Variants in CSMD1 observed in about 807,000 individuals in gnomAD.
CSMD1 encodes the protein CUB and Sushi multiple domains 1, also known as CUB and sushi domain-containing protein 1.
CSMD1 carries 213 observed loss-of-function variants against 417.5 expected under a neutral mutation model. The ratio of observed to expected loss-of-function variants is 0.51; its 90% CI spans 0.46 to 0.57. The LOEUF is 0.57. Ranked by LOEUF, CSMD1 falls within the 20% of genes least tolerant of loss-of-function variation. The pLI is 0.00. For missense variants in CSMD1, 6,923 were observed against 4,529.7 expected, an observed-to-expected ratio of 1.53 and a Z score of -15.17; for synonymous variants, 2,862 against 1,736.8, an observed-to-expected ratio of 1.65 and a Z score of -16.11.
chr8:4,005,128 G>C (rs924325669), intron 4 of CSMD1, among the ~76,000 whole-genome samples: 1 of 152,132 alleles, frequency 6.6e-6, no homozygotes, highest in South Asian at 2.1e-4. Context: ...GGACTTTGGA[G>C]ATTTGGGGGG....
At chr8:4,921,954 C>T (rs893652268) in intron 1 of CSMD1, among the ~76,000 whole-genome samples, 12 of 152,190 alleles carry the variant, frequency 7.9e-5, no homozygotes, top group African/African-American at 2.2e-4. Context: ...GTTTGGAATA[C>T]TTGCCCTCTT....
intron 41 of CSMD1, among the ~76,000 whole-genome samples, chr8:3,135,989 C>A (rs1488484607): frequency 6.6e-6 from 1 of 152,116 alleles, no homozygotes; most frequent in Non-Finnish European, 1.5e-5. Context: ...CATGCCCCAG[C>A]CCACACAGCT....
chr8:3,193,409 G>A lies in CSMD1; in HGVS notation c.5195-3294C>T, dbSNP rs548398089. 4.6e-5 allele frequency among the ~76,000 whole-genome samples: 7 copies of A among 152,246 alleles called. No homozygotes were observed. The South Asian group carries it at 1.5e-3, about 32-fold the overall frequency. ...GTAAGGACTTGAGACAGTAGGATAG[G>A]GAGGCAGGGAGAAGCTGTGGAATTG... On this transcript the variant is annotated intron_variant, in intron 33 of 69. Coordinates refer to ENST00000635120, the MANE Select transcript of CSMD1 (RefSeq NM_033225.6).
intron 3 of CSMD1, among the ~76,000 whole-genome samples, chr8:4,308,880 A>G (rs995899650): frequency 2.0e-5 from 3 of 152,196 alleles, no homozygotes; most frequent in Admixed American, 2.0e-4. Flanking sequence ...TTATAGCTAT[A>G]AACACATGGT....
chr8:3,284,023 A>T (rs548200900), intron 26 of CSMD1, 121 bp downstream of exon 26: 2 of 887,426 alleles, frequency 2.3e-6, no homozygotes, highest in African/African-American at 3.3e-5. Flanking sequence ...CCTAACTTCA[A>T]ATTAGGCTCA....
At chr8:3,557,213 G>C (rs1799195105) in intron 10 of CSMD1, among the ~76,000 whole-genome samples, 1 of 152,286 alleles carries the variant, frequency 6.6e-6, no homozygotes, top group Admixed American at 6.5e-5. Context: ...ATATGTATTA[G>C]TACAACATAT....
intron 7 of CSMD1, among the ~76,000 whole-genome samples, chr8:3,707,162 G>A (rs572299816): frequency 6.6e-5 from 10 of 152,234 alleles, no homozygotes; most frequent in African/African-American, 2.4e-4. Flanking sequence ...GCAATTGTCA[G>A]GAAATCCTAA....
chr8:4,141,755 A>T (rs1433103855), intron 3 of CSMD1, among the ~76,000 whole-genome samples: 1 of 151,068 alleles, frequency 6.6e-6, no homozygotes, highest in East Asian at 1.9e-4. Context: ...GATTCATCCC[A>T]TGCCATCGAC....
intron 1 of CSMD1, among the ~76,000 whole-genome samples, chr8:4,952,114 C>T (rs888573347): frequency 6.6e-6 from 1 of 151,738 alleles, no homozygotes; most frequent in South Asian, 2.1e-4. Flanking sequence ...TCTGAATAGT[C>T]TTAATTTCAC....
chr8:3,955,719 C>T (rs769500981), intron 5 of CSMD1, among the ~76,000 whole-genome samples: 5 of 147,496 alleles, frequency 3.4e-5, no homozygotes, highest in Non-Finnish European at 7.5e-5. Flanking sequence ...AAAGATTCTT[C>T]GAGAACTGCC....
At chr8:3,594,939 A>G (rs775034308) in intron 8 of CSMD1, among the ~76,000 whole-genome samples, 1 of 152,232 alleles carries the variant, frequency 6.6e-6, no homozygotes, top group Non-Finnish European at 1.5e-5. Flanking sequence ...AGGAATTCAG[A>G]ACATCTCCTA....
intron 23 of CSMD1, among the ~76,000 whole-genome samples, chr8:3,312,629 C>G (rs181795927): frequency 1.3e-5 from 2 of 152,168 alleles, no homozygotes; most frequent in African/African-American, 4.8e-5. Context: ...ATTGGAATCA[C>G]AGCCATCAAT....
At chr8:4,314,218 A>G (rs7002661) in intron 3 of CSMD1, among the ~76,000 whole-genome samples, 40,236 of 150,348 alleles carry the variant, frequency 0.27, 6,075 homozygotes, top group African/African-American at 0.44. Context: ...CAGTCACGTT[A>G]ATAGTTAAGT....
At chr8:3,294,011 A>C (rs944967412) in intron 25 of CSMD1, among the ~76,000 whole-genome samples, 6 of 127,782 alleles carry the variant, frequency 4.7e-5, no homozygotes, top group Non-Finnish European at 1.1e-4. Context: ...TTTGGTGTGG[A>C]TGTCCTTTCT....
chr8:4,940,132 G>T (rs965402591), intron 1 of CSMD1, among the ~76,000 whole-genome samples: 2 of 152,248 alleles, frequency 1.3e-5, no homozygotes, highest in Non-Finnish European at 2.9e-5. Context: ...CTCCCCCTGT[G>T]AGAGCAGGGA....
intron 6 of CSMD1, among the ~76,000 whole-genome samples, chr8:3,713,694 A>G (rs1801659367): frequency 6.6e-6 from 1 of 152,230 alleles, no homozygotes; most frequent in South Asian, 2.1e-4. Flanking sequence ...AAACAAATAA[A>G]TAAAATGCAA....
intron 3 of CSMD1, among the ~76,000 whole-genome samples, chr8:4,282,341 G>T (rs901516949): frequency 6.6e-6 from 1 of 152,092 alleles, no homozygotes; most frequent in African/African-American, 2.4e-5. Context: ...TCATAACACA[G>T]ATCTTCTGGC....
At chr8:4,678,179 G>T (rs1563124274) in intron 1 of CSMD1, among the ~76,000 whole-genome samples, 1 of 152,210 alleles carries the variant, frequency 6.6e-6, no homozygotes, top group East Asian at 1.9e-4. Context: ...AGGAGGCTGA[G>T]GCGTGTAGAT....
chr8:3,379,174 G>A (rs1047504808), intron 18 of CSMD1, among the ~76,000 whole-genome samples: 2 of 152,068 alleles, frequency 1.3e-5, no homozygotes, highest in African/African-American at 2.4e-5. Flanking sequence ...AAAATGCTGA[G>A]GAATACAACT....
Sources: allele counts gnomAD v4.1 joint callset (sites outside exome capture counted in the v4.1 genomes callset), GRCh38; gene constraint gnomAD v4.1.1; transcripts MANE v1.5; gene names NCBI Gene and HGNC (gene_info 2026-07-23, HGNC 2026-07-21).